Variants in LRRIQ3 observed in about 807,000 individuals in gnomAD.
LRRIQ3 encodes leucine-rich repeat and IQ domain-containing protein 3.
A neutral mutation model predicts 59.3 loss-of-function variants in LRRIQ3; 75 were observed. The observed-to-expected ratio is 1.26, with a 90% confidence interval of 1.05 to 1.53. The LOEUF (loss-of-function observed/expected upper bound fraction) is 1.53. Ranked by LOEUF, LRRIQ3 falls within the 40% of genes most tolerant of loss-of-function variation. The pLI is 0.00. For synonymous variants in LRRIQ3, 250 were observed against 231.3 expected, an observed-to-expected ratio of 1.08 and a Z score of -0.73; for missense variants, 831 against 710.0, an observed-to-expected ratio of 1.17 and a Z score of -1.94.
At chr1:74,038,431 C>A (rs1200240929) in intron 7 of LRRIQ3, among the ~76,000 whole-genome samples, 1 of 152,160 alleles carries the variant, frequency 6.6e-6, no homozygotes, top group Non-Finnish European at 1.5e-5. Flanking sequence ...GTTTCCCCCC[C>A]AGCAAAACAC....
intron 3 of LRRIQ3, among the ~76,000 whole-genome samples, chr1:74,160,880 G>T (rs1440131599): frequency 2.0e-5 from 3 of 152,016 alleles, no homozygotes; most frequent in Non-Finnish European, 2.9e-5. Context: ...AGAGGGTTTT[G>T]CAGAATTTCC....
chr1:74,167,526 TA>T (rs1354828811), intron 3 of LRRIQ3, among the ~76,000 whole-genome samples: 2 of 151,220 alleles, frequency 1.3e-5, no homozygotes. Context: ...AAAATAAAAA[TA>T]AAAATTAAAA....
At chr1:74,166,457 G>A (rs1172354025) in intron 3 of LRRIQ3, among the ~76,000 whole-genome samples, 1 of 151,634 alleles carries the variant, frequency 6.6e-6, no homozygotes, top group South Asian at 2.1e-4. Context: ...AGTCTTGACA[G>A]GTTTGTCAAT....
intron 4 of LRRIQ3, among the ~76,000 whole-genome samples, chr1:74,153,098 C>T (rs924979944): frequency 6.6e-6 from 1 of 151,934 alleles, no homozygotes; most frequent in Non-Finnish European, 1.5e-5. Context: ...TTTTTCCATT[C>T]TTTTTCCTTT....
At chr1:74,078,939 C>T (rs1176524345) in intron 5 of LRRIQ3, among the ~76,000 whole-genome samples, 1 of 151,796 alleles carries the variant, frequency 6.6e-6, no homozygotes, top group Non-Finnish European at 1.5e-5. Flanking sequence ...AACCCTTCTT[C>T]TGAAACCTTA....
At chr1:74,193,339 T>C (rs1006110387) in intron 1 of LRRIQ3, among the ~76,000 whole-genome samples, 2 of 152,138 alleles carry the variant, frequency 1.3e-5, no homozygotes, top group African/African-American at 4.8e-5. Context: ...TCAGTACCAT[T>C]ATCAGCAAAC....
intron 6 of LRRIQ3, among the ~76,000 whole-genome samples, chr1:74,070,870 C>G (rs1557601830): frequency 1.3e-5 from 2 of 151,606 alleles, no homozygotes; most frequent in South Asian, 4.2e-4. Flanking sequence ...TCCATGTCAA[C>G]TGGAACTCCA....
chr1:74,084,795 T>C (rs1251018982), intron 5 of LRRIQ3, among the ~76,000 whole-genome samples: 1 of 151,814 alleles, frequency 6.6e-6, no homozygotes, highest in East Asian at 1.9e-4. Context: ...TTTTCTTTAA[T>C]AACCCTTAAG....
intron 4 of LRRIQ3, among the ~76,000 whole-genome samples, chr1:74,126,004 C>G (rs76364647): frequency 0.04 from 6,030 of 151,834 alleles, 151 homozygotes; most frequent in South Asian, 0.13. Flanking sequence ...TGCTAGGAGA[C>G]TTCCTATTAC....
intron 1 of LRRIQ3, among the ~76,000 whole-genome samples, chr1:74,196,030 A>G (rs1432552388): frequency 6.6e-6 from 1 of 151,990 alleles, no homozygotes; most frequent in Non-Finnish European, 1.5e-5. Flanking sequence ...ATTAATATTA[A>G]TGAAAATTTG....
intron 5 of LRRIQ3, among the ~76,000 whole-genome samples, chr1:74,097,119 T>C (rs1251730543): frequency 6.6e-6 from 1 of 151,930 alleles, no homozygotes; most frequent in Non-Finnish European, 1.5e-5. Flanking sequence ...CTGCTGCCTT[T>C]TGGGGGAAGT....
At chr1:74,119,794 C>T (rs558322499) in intron 4 of LRRIQ3, among the ~76,000 whole-genome samples, 36 of 152,146 alleles carry the variant, frequency 2.4e-4, no homozygotes, top group Non-Finnish European at 5.0e-4. Context: ...ATTTCTCTAT[C>T]CCTGTGCCAA....
intron 3 of LRRIQ3, among the ~76,000 whole-genome samples, chr1:74,175,678 A>G (rs1378345642): frequency 6.6e-6 from 1 of 152,162 alleles, no homozygotes; most frequent in Admixed American, 6.5e-5. Flanking sequence ...ATTATTATCC[A>G]TGAATAGTTA....
intron 4 of LRRIQ3, among the ~76,000 whole-genome samples, chr1:74,152,963 C>T (rs1013886107): frequency 6.6e-6 from 1 of 152,136 alleles, no homozygotes; most frequent in Non-Finnish European, 1.5e-5. Context: ...CTTAATGTTT[C>T]ATCTGTAAAA....
intron 3 of LRRIQ3, among the ~76,000 whole-genome samples, chr1:74,163,155 C>A (rs1465857628): frequency 6.6e-6 from 1 of 151,446 alleles, no homozygotes; most frequent in Non-Finnish European, 1.5e-5. Context: ...AAATTTGGCA[C>A]ACATTTTCTC....
intron 4 of LRRIQ3, among the ~76,000 whole-genome samples, chr1:74,135,910 T>G (rs1376020126): frequency 6.6e-6 from 1 of 151,610 alleles, no homozygotes; most frequent in Non-Finnish European, 1.5e-5. Flanking sequence ...AGGAAATCAG[T>G]GAAATAAAAA....
Position 74,183,514 on chromosome 1 carries a change from G to A in LRRIQ3, c.171C>T (p.Phe57=). 6.2e-7 allele frequency: 1 copy of A among 1,610,860 alleles called. No individual in the cohort carries two copies. Among genetic ancestry groups the A allele is most frequent in the Non-Finnish European group, 8.5e-7 (1 of 1,178,256 alleles). Residue 57 remains phenylalanine, a synonymous_variant, in exon 2 of 8, where the codon TTC becomes TTT. Transcript: ENST00000354431. ...QSCISLRVCI[F]SNNFITDIHP... The stretch of plus-strand genomic sequence containing the variant: ...GAATATCTGTAATAAAATTGTTTGA[G>A]AAGATGCATACTCTAAGAGAGATGC...
At chr1:74,111,363 C>T (rs182710768) in intron 4 of LRRIQ3, among the ~76,000 whole-genome samples, 1 of 151,994 alleles carries the variant, frequency 6.6e-6, no homozygotes, top group Admixed American at 6.6e-5. Flanking sequence ...TAGCGGGCAT[C>T]ACAGAAAAAA....
intron 3 of LRRIQ3, chr1:74,180,443 C>T: frequency 3.1e-6 from 1 of 327,756 alleles, no homozygotes; most frequent in Non-Finnish European, 5.6e-6. Context: ...TTTTTCATTT[C>T]CAATGTCTAG....
Sources: allele counts gnomAD v4.1 joint callset (sites outside exome capture counted in the v4.1 genomes callset), GRCh38; gene constraint gnomAD v4.1.1; transcripts MANE v1.5; gene names NCBI Gene and HGNC (gene_info 2026-07-23, HGNC 2026-07-21).